The following CACNB2 variants were observed in gnomAD, a reference collection of about 807,000 sequenced individuals.
CACNB2 encodes calcium voltage-gated channel auxiliary subunit beta 2.
A neutral mutation model predicts 73.3 loss-of-function variants in CACNB2; 42 were observed. The observed-to-expected ratio is 0.57, with a 90% CI of 0.45 to 0.74. The LOEUF (loss-of-function observed/expected upper bound fraction) is 0.74. CACNB2 is among the 30% of genes least tolerant of loss of function. The probability of loss-of-function intolerance (pLI) is 0.00; values close to 1 mark genes in which losing one functional copy is unlikely to be tolerated. For missense variants in CACNB2, 940 were observed against 853.0 expected, an observed-to-expected ratio of 1.10 and a Z score of -1.27; for synonymous variants, 348 against 310.3, an observed-to-expected ratio of 1.12 and a Z score of -1.28.
At position 18,499,637 on chromosome 10, in the gene CACNB2, A is replaced by ATCCAAGCACT. The variant is rs1554831783; in HGVS notation, c.456+1160_456+1161insTCCAAGCACT. Among the ~76,000 whole-genome samples the ATCCAAGCACT allele has an allele frequency of 3.2e-3, 292 of 92,572 alleles. 12 individuals are homozygous for ATCCAAGCACT. Among genetic ancestry groups the ATCCAAGCACT allele is most frequent in the African/African-American group, 0.011 (262 of 24,600 alleles). The allele number at this position is 92,572 out of a possible 152,430, so 60.7% of individuals were successfully genotyped here. On this transcript the variant is annotated intron_variant, in intron 4 of 13. Transcript: ENST00000324631. ...TCAAAGAAAAAAAAAAAAAAAAAAA[A>ATCCAAGCACT]AAGAACCTAGAAGCCTGGGTACTAT...
chr10:18,502,110 G>A (rs1300317541), intron 5 of CACNB2, among the ~76,000 whole-genome samples: 3 of 152,026 alleles, frequency 2.0e-5, no homozygotes, highest in African/African-American at 2.4e-5. Context: ...AGTTCAAGAC[G>A]AGCCTGGCCA....
Position 18,473,371 on chromosome 10 carries a change from T to C in CACNB2, c.334-24984T>C, listed in dbSNP as rs191708278. ...TTGTTATTCAAAGAACTTATAAAAG[T>C]CATATCTTGTAAAAGTCTATAGATT... is the stretch of plus-strand genomic sequence containing the variant. On this transcript the variant is annotated intron_variant, in intron 3 of 13. Transcript: ENST00000324631. 2.8e-3 allele frequency among the ~76,000 whole-genome samples: 430 copies of C among 152,322 alleles called. 2 individuals carry two copies. The highest frequency in any genetic ancestry group is 4.1e-3 in the Non-Finnish European group (279 of 68,030).
chr10:18,359,331 G>T (rs1028128356), intron 2 of CACNB2, among the ~76,000 whole-genome samples: 6 of 152,222 alleles, frequency 3.9e-5, no homozygotes, highest in African/African-American at 1.4e-4. Flanking sequence ...GAGTGCAGTG[G>T]CGCCATCTCG....
intron 3 of CACNB2, among the ~76,000 whole-genome samples, chr10:18,461,078 C>G (rs752513917): frequency 6.6e-6 from 1 of 151,968 alleles, no homozygotes; most frequent in Non-Finnish European, 1.5e-5. Flanking sequence ...TACAGTCATG[C>G]GCCACCACGC....
intron 2 of CACNB2, among the ~76,000 whole-genome samples, chr10:18,291,584 G>A (rs1051774763): frequency 6.6e-6 from 1 of 152,138 alleles, no homozygotes; most frequent in Non-Finnish European, 1.5e-5. Context: ...GGTTACTTTC[G>A]CTGTTACTTA....
At chr10:18,493,063 T>A (rs1589532386) in intron 3 of CACNB2, among the ~76,000 whole-genome samples, 1 of 152,152 alleles carries the variant, frequency 6.6e-6, no homozygotes, top group Non-Finnish European at 1.5e-5. Context: ...TAAAAAGCAA[T>A]AGAATTGAAT....
chr10:18,343,219 A>T (rs1414789785), intron 2 of CACNB2, among the ~76,000 whole-genome samples: 1 of 152,160 alleles, frequency 6.6e-6, no homozygotes, highest in South Asian at 2.1e-4. Context: ...ACTGCAATTG[A>T]GTGCCATTAT....
intron 2 of CACNB2, among the ~76,000 whole-genome samples, chr10:18,262,684 A>G (rs1184537803): frequency 6.6e-6 from 1 of 152,212 alleles, no homozygotes; most frequent in African/African-American, 2.4e-5. Flanking sequence ...TTAAAAATCC[A>G]TAGTTTCTAG....
chr10:18,384,900 C>T (rs1456651126), intron 2 of CACNB2, among the ~76,000 whole-genome samples: 1 of 152,078 alleles, frequency 6.6e-6, no homozygotes, highest in Admixed American at 6.6e-5. Flanking sequence ...CCACAAGCAA[C>T]CACGGTGACC....
chr10:18,169,106 A>G (rs1319255783), intron 2 of CACNB2, among the ~76,000 whole-genome samples: 1 of 152,158 alleles, frequency 6.6e-6, no homozygotes, highest in Non-Finnish European at 1.5e-5. Context: ...ACAATTACAA[A>G]GAAAATCGAG....
At chr10:18,156,391 C>T (rs2032044644) in intron 2 of CACNB2, among the ~76,000 whole-genome samples, 1 of 152,192 alleles carries the variant, frequency 6.6e-6, no homozygotes, top group Admixed American at 6.5e-5. Context: ...ACATTATCAA[C>T]TTATTTGAAG....
chr10:18,506,068 A>G (rs1353110248), intron 5 of CACNB2, among the ~76,000 whole-genome samples: 1 of 152,212 alleles, frequency 6.6e-6, no homozygotes, highest in Non-Finnish European at 1.5e-5. Flanking sequence ...CCTAAAACAG[A>G]GGAGCTGAAA....
Position 18,235,187 on chromosome 10 carries a change from T to C in CACNB2, c.213+84212T>C, listed in dbSNP as rs547668974. Among the ~76,000 whole-genome samples, 50 of 149,450 alleles carry C rather than the reference T, an allele frequency of 3.3e-4. 1 individual carries two copies. In the South Asian group the frequency reaches 0.011, roughly 32 times the overall value. ...GTTAAAAGGAGCTGGGCGCAGTGGC[T>C]TATGCCTGTAATCCCAGCACTTTGG... On this transcript the variant is annotated intron_variant, in intron 2 of 13. Transcript: ENST00000324631.
chr10:18,150,996 G>C (rs1217270089), intron 2 of CACNB2, 21 bp downstream of exon 2: 2 of 1,391,258 alleles, frequency 1.4e-6, no homozygotes, highest in Non-Finnish European at 2.0e-6. Context: ...TAAGTTCATG[G>C]TTTTGATAAG....
chr10:18,356,652 A>G (rs527511815), intron 2 of CACNB2, among the ~76,000 whole-genome samples: 1 of 151,086 alleles, frequency 6.6e-6, no homozygotes, highest in Admixed American at 6.6e-5. Flanking sequence ...TTTTTTTTTA[A>G]CAGAGTCTTA....
chr10:18,374,624 T>G, intron 2 of CACNB2, among the ~76,000 whole-genome samples: 1 of 152,210 alleles, frequency 6.6e-6, no homozygotes, highest in African/African-American at 2.4e-5. Context: ...GTAATCTGAA[T>G]AATCTTTTGA....
intron 2 of CACNB2, among the ~76,000 whole-genome samples, chr10:18,322,153 C>A (rs2040421208): frequency 6.6e-6 from 1 of 151,988 alleles, no homozygotes; most frequent in African/African-American, 2.4e-5. Context: ...AAGACCCTGT[C>A]CCCACAAAAG....
chr10:18,271,443 A>G (rs2038050948), intron 2 of CACNB2, among the ~76,000 whole-genome samples: 1 of 152,222 alleles, frequency 6.6e-6, no homozygotes, highest in Non-Finnish European at 1.5e-5. Context: ...TTTAAAAACA[A>G]AAACATATTT....
intron 2 of CACNB2, among the ~76,000 whole-genome samples, chr10:18,160,319 G>T (rs867760482): frequency 6.6e-6 from 1 of 151,864 alleles, no homozygotes; most frequent in South Asian, 2.1e-4. Flanking sequence ...TTATGTTTGC[G>T]TATATACTTT....
Sources: gnomAD v4.1 joint callset for allele counts (sites outside exome capture counted in the v4.1 genomes callset) on GRCh38, gnomAD v4.1.1 for gene constraint, MANE v1.5 for transcripts, NCBI Gene and HGNC (gene_info 2026-07-23, HGNC 2026-07-21) for gene names.